Variants in F2RL1 observed in about 807,000 individuals in gnomAD.
F2RL1 encodes the protein proteinase-activated receptor 2.
A neutral mutation model predicts 21.7 loss-of-function variants in F2RL1; 16 were observed. The ratio of observed to expected loss-of-function variants is 0.74; its 90% CI spans 0.50 to 1.12. The LOEUF (loss-of-function observed/expected upper bound fraction) is 1.12. Ranked by LOEUF, F2RL1 falls within the 50% of genes most tolerant of loss-of-function variation. The pLI is 0.00. For missense variants in F2RL1, 432 were observed against 477.8 expected, an observed-to-expected ratio of 0.90 and a Z score of 0.89; for synonymous variants, 181 against 186.7, an observed-to-expected ratio of 0.97 and a Z score of 0.25.
intron 1 of F2RL1, among the ~76,000 whole-genome samples, chr5:76,827,282 C>T (rs1425367058): frequency 6.9e-6 from 1 of 144,082 alleles, no homozygotes; most frequent in Non-Finnish European, 1.5e-5. Context: ...GAGATCGAGA[C>T]CATCCTGGCT....
At chr5:76,830,436 C>T (rs1015097720) in intron 1 of F2RL1, among the ~76,000 whole-genome samples, 6 of 152,144 alleles carry the variant, frequency 3.9e-5, no homozygotes, top group African/African-American at 1.4e-4. Flanking sequence ...TGCCACCACG[C>T]CCGGCTAATT....
At chr5:76,823,001 C>T (rs184885652) in intron 1 of F2RL1, among the ~76,000 whole-genome samples, 84 of 152,196 alleles carry the variant, frequency 5.5e-4, no homozygotes, top group African/African-American at 1.8e-3. Flanking sequence ...GAAGTCAAGG[C>T]GGGTGGATCA....
intron 1 of F2RL1, among the ~76,000 whole-genome samples, chr5:76,831,637 G>A (rs570160503): frequency 2.5e-4 from 37 of 149,846 alleles, no homozygotes; most frequent in African/African-American, 7.1e-4. Flanking sequence ...GGGTTCAAGC[G>A]ATTCTTCTGC....
intron 1 of F2RL1, among the ~76,000 whole-genome samples, chr5:76,825,119 G>T (rs1452379156): frequency 6.7e-6 from 1 of 150,090 alleles, no homozygotes. Flanking sequence ...CGATTCTCCT[G>T]CCTCAGCCTC....
intron 1 of F2RL1, among the ~76,000 whole-genome samples, chr5:76,819,745 G>A (rs1750094762): frequency 6.6e-6 from 1 of 152,124 alleles, no homozygotes; most frequent in Admixed American, 6.5e-5. Flanking sequence ...ATTGCGCAGG[G>A]CAGGGCGGAG....
At position 76,833,260 on chromosome 5, in the gene F2RL1, T is replaced by G. The variant is rs374121194; in HGVS notation, c.653T>G (p.Ile218Ser). Residue 218 changes from isoleucine (I) to serine (S), a missense_variant, in exon 2 of 2, where the codon ATT (isoleucine) becomes AGT (serine). Coordinates refer to ENST00000296677, the MANE Select transcript of F2RL1 (RefSeq NM_005242.6). ...PLYVVKQTIF[I>S]PALNITTCHD... The stretch of plus-strand genomic sequence containing the variant: ...TATGTCGTGAAGCAGACCATCTTCA[T>G]TCCTGCCCTGAACATCACGACCTGT... The G allele has an allele frequency of 1.8e-5, 29 of 1,613,796 alleles. No individual in the cohort carries two copies. The highest frequency in any genetic ancestry group is 2.5e-5 in the Non-Finnish European group (29 of 1,179,998).
At chr5:76,827,600 C>CTT (rs70982643) in intron 1 of F2RL1, among the ~76,000 whole-genome samples, 2,951 of 104,910 alleles carry the variant, frequency 0.028, 216 homozygotes, top group African/African-American at 0.067. Flanking sequence ...CATATAGTAA[C>CTT]TTTTTTTTTT....
chr5:76,827,325 CAAAAAAAA>C (rs764040748), intron 1 of F2RL1, among the ~76,000 whole-genome samples: 10,685 of 87,630 alleles, frequency 0.12, 542 homozygotes, highest in Non-Finnish European at 0.16. Flanking sequence ...ACTAAAAATA[CAAAAAAAA>C]AAAAAAAAAA....
intron 1 of F2RL1, among the ~76,000 whole-genome samples, chr5:76,825,255 T>C (rs1750217961): frequency 1.3e-5 from 2 of 152,140 alleles, no homozygotes; most frequent in Non-Finnish European, 2.9e-5. Flanking sequence ...TCCACCCGCC[T>C]CGGCCTCCCA....
intron 1 of F2RL1, among the ~76,000 whole-genome samples, chr5:76,824,159 A>ACCCC (rs5868841): frequency 2.4e-4 from 21 of 86,834 alleles, no homozygotes; most frequent in African/African-American, 4.7e-4. Flanking sequence ...TCCCCACCAC[A>ACCCC]CCCCCCCCCC....
chr5:76,825,891 C>G (rs1750229461), intron 1 of F2RL1, among the ~76,000 whole-genome samples: 1 of 152,124 alleles, frequency 6.6e-6, no homozygotes, highest in Non-Finnish European at 1.5e-5. Flanking sequence ...TATTGCCATT[C>G]CTTGCTCCTT....
chr5:76,826,009 T>C (rs1458862538), intron 1 of F2RL1, among the ~76,000 whole-genome samples: 1 of 152,190 alleles, frequency 6.6e-6, no homozygotes, highest in Non-Finnish European at 1.5e-5. Flanking sequence ...TTTAATCTTA[T>C]AGAAATATAC....
intron 1 of F2RL1, among the ~76,000 whole-genome samples, chr5:76,825,188 G>A (rs937577760): frequency 6.6e-6 from 1 of 151,802 alleles, no homozygotes; most frequent in Admixed American, 6.6e-5. Flanking sequence ...GTATTTTTTA[G>A]TAGAGATTGG....
In F2RL1 at chr5:76,833,912, G is replaced by GGT; in HGVS notation, c.*112_*113insTG. 29 of 1,187,638 alleles carry GGT rather than the reference G, an allele frequency of 2.4e-5. No homozygotes were observed. The highest frequency in any genetic ancestry group is 3.3e-5 in the Non-Finnish European group (28 of 845,424). 73.6% of individuals were successfully genotyped at this position (1,187,638 alleles called of 1,614,324 possible). On this transcript the variant is annotated 3_prime_UTR_variant, in exon 2 of 2. Transcript: ENST00000296677. ...AAAAAGGTCTCACCACATACCATGT[G>GGT]GATGCAGCACCTCTCAGGATTGCTA...
intron 1 of F2RL1, among the ~76,000 whole-genome samples, chr5:76,819,682 A>G (rs1750093042): frequency 6.6e-6 from 1 of 151,572 alleles, no homozygotes; most frequent in South Asian, 2.1e-4. Flanking sequence ...CTTTTTGCCA[A>G]CTCCGGAGAC....
intron 1 of F2RL1, among the ~76,000 whole-genome samples, chr5:76,821,587 GTTT>G (rs67165766): frequency 4.5e-5 from 6 of 132,996 alleles, no homozygotes; most frequent in African/African-American, 1.7e-4. Flanking sequence ...GGTTTTTTGG[GTTT>G]TTTTTTTTTT....
Position 76,819,203 on chromosome 5 carries a change from G to C in F2RL1, c.21G>C (p.Ala7=), listed in dbSNP as rs768345760. 1 of 1,588,352 alleles carries C rather than the reference G, an allele frequency of 6.3e-7. No homozygotes were observed. The highest frequency in any genetic ancestry group is 8.5e-7 in the Non-Finnish European group (1 of 1,176,224). The part of the protein sequence containing the change: MRSPSA[A]WLLGAAILLA... ...GGAGGATGCGGAGCCCCAGCGCGGC[G>C]TGGCTGCTGGGGGCCGCCATCCTGC... Residue 7 remains alanine, a synonymous_variant, in exon 1 of 2, where the codon GCG becomes GCC. Coordinates refer to ENST00000296677, the MANE Select transcript of F2RL1 (RefSeq NM_005242.6).
chr5:76,830,643 C>T (rs1484314093), intron 1 of F2RL1, among the ~76,000 whole-genome samples: 4 of 152,196 alleles, frequency 2.6e-5, no homozygotes, highest in East Asian at 1.9e-4. Context: ...CCAGGGAGAT[C>T]TTCTTATCTT....
At position 76,833,925 on chromosome 5, in the gene F2RL1, C is replaced by G; in HGVS notation, c.*124C>G. The G allele has an allele frequency of 9.8e-7, 1 of 1,024,228 alleles. No individual in the cohort carries two copies. Among genetic ancestry groups the G allele is most frequent in the East Asian group, 2.4e-5 (1 of 41,600 alleles). 63.4% of individuals were successfully genotyped at this position (1,024,228 alleles called of 1,614,324 possible). The stretch of plus-strand genomic sequence containing the variant: ...CACATACCATGTGGATGCAGCACCT[C>G]TCAGGATTGCTAGGAGCTCCCCTGT... On this transcript the variant is annotated 3_prime_UTR_variant, in exon 2 of 2. Transcript: ENST00000296677.
Sources: gnomAD v4.1 joint callset for allele counts (sites outside exome capture counted in the v4.1 genomes callset) on GRCh38, gnomAD v4.1.1 for gene constraint, MANE v1.5 for transcripts, NCBI Gene and HGNC (gene_info 2026-07-23, HGNC 2026-07-21) for gene names.